The following TET3 variants were observed in gnomAD, a reference collection of about 807,000 sequenced individuals.
TET3 encodes the protein tet methylcytosine dioxygenase 3.
TET3 carries 19 observed loss-of-function variants against 141.4 expected under a neutral mutation model. That is an observed-to-expected ratio of 0.13 (90% CI 0.09 to 0.20). The LOEUF is 0.20. Ranked by LOEUF, TET3 falls within the 10% of genes least tolerant of loss-of-function variation. The probability of loss-of-function intolerance (pLI) is 1.00; values close to 1 mark genes in which losing one functional copy is unlikely to be tolerated. For synonymous variants in TET3, 1,043 were observed against 980.9 expected (o/e 1.06, Z -1.18); for missense variants, 1,874 against 2,356.9 (o/e 0.80, Z 4.24).
chr2:74,064,460 T>G (rs971491788), intron 4 of TET3, among the ~76,000 whole-genome samples: 2 of 152,192 alleles, frequency 1.3e-5, no homozygotes, highest in African/African-American at 4.8e-5. Flanking sequence ...AGTTCGGTGG[T>G]GTGATTCCCA....
the TET3 span, among the ~76,000 whole-genome samples, chr2:74,115,801 C>A: frequency 1.3e-5 from 2 of 151,884 alleles, no homozygotes; most frequent in East Asian, 3.9e-4. Context: ...ACTGCTTCAG[C>A]CCAGGAGTTC....
intron 3 of TET3, among the ~76,000 whole-genome samples, chr2:74,024,285 G>A (rs1686218521): frequency 2.0e-5 from 3 of 152,214 alleles, no homozygotes; most frequent in South Asian, 4.1e-4. Context: ...GTATGCTCAT[G>A]GTTGGAACTT....
chr2:73,986,774 C>T (rs1684048538), intron 2 of TET3, 68 bp downstream of exon 2: 15 of 1,212,190 alleles, frequency 1.2e-5, no homozygotes, highest in African/African-American at 1.6e-5. Context: ...GGGTCTTGTT[C>T]AAGCAAGGCT....
chr2:74,089,831 G>A, intron 7 of TET3, 66 bp from the exon 8 acceptor site: 2 of 1,580,592 alleles, frequency 1.3e-6, no homozygotes, highest in Non-Finnish European at 8.6e-7. Flanking sequence ...CCCCTTGAGG[G>A]AGGAGGAATA....
chr2:74,116,004 T>C, the TET3 span, among the ~76,000 whole-genome samples: 1 of 132,614 alleles, frequency 7.5e-6, no homozygotes, highest in Non-Finnish European at 1.6e-5. Flanking sequence ...GACACTGAGA[T>C]CTGGTCTCAA....
At chr2:74,135,059 G>T in the TET3 span, 1 of 228,388 alleles carries the variant, frequency 4.4e-6, no homozygotes, top group Non-Finnish European at 8.8e-6. Context: ...AGAATCAAAG[G>T]GTGGAGGATC....
intron 4 of TET3, among the ~76,000 whole-genome samples, chr2:74,072,744 C>T (rs1689281896): frequency 1.3e-5 from 2 of 152,096 alleles, no homozygotes; most frequent in African/African-American, 4.8e-5. Context: ...AAGCAATAAC[C>T]CCTCATTTCC....
rs750286271 is a variant in TET3, at chr2:74,101,491, C to T, written c.4703C>T (p.Pro1568Leu). Reference sequence around the variant, plus strand: ...ATGAAAGGAGAGGAGGGCAGGATTCCAGCCGCAGGGGCCAGCCAGCTGGAC... The same window carrying T: ...ATGAAAGGAGAGGAGGGCAGGATTCTAGCCGCAGGGGCCAGCCAGCTGGAC... ...NPMKGEEGRI[P>L]AAGASQLDRA... The change falls in exon 12 of 12, where the codon CCA (proline) becomes CTA (leucine). Residue 1568 changes from proline to leucine, a missense_variant. Physicochemically the swap from Pro to Leu is moderately conservative, Grantham distance 98 (BLOSUM62 -3). This residue lies in a region of TET3 where 602 missense variants were observed against 590.2 expected (regional missense o/e 1.02). Transcript: ENST00000409262. The surrounding 1 kb of genome is among the most constrained non-coding windows in gnomAD (Gnocchi z 8.5). The T allele has an allele frequency of 1.9e-6, 3 of 1,613,090 alleles. No homozygotes were observed. The highest frequency in any genetic ancestry group is 1.7e-5 in the Admixed American group (1 of 59,906).
chr2:74,006,962 C>G (rs1172503163), intron 3 of TET3, among the ~76,000 whole-genome samples: 3 of 152,122 alleles, frequency 2.0e-5, no homozygotes, highest in African/African-American at 7.2e-5. Flanking sequence ...GACTATTACC[C>G]CCATCTCTAT....
At position 74,047,978 on chromosome 2, in the gene TET3, C is replaced by T. The variant is rs769286569; in HGVS notation, c.2061C>T (p.Ser687=). The change falls in exon 4 of 12, where the codon AGC becomes AGT. Residue 687 remains serine, a synonymous_variant. Coordinates refer to ENST00000409262, the MANE Select transcript of TET3 (RefSeq NM_001287491.2). ...LPPTQEMRSP[S]PMTALQPGST... is the part of the protein sequence containing the mutation. ...CTACTCAGGAAATGAGGTCCCCCAG[C>T]CCCATGACAGCCTTGCAGCCAGGCT... 2.4e-5 allele frequency: 38 copies of T among 1,611,050 alleles called. No individual in the cohort carries two copies. Among genetic ancestry groups the T allele is most frequent in the Non-Finnish European group, 3.1e-5 (37 of 1,178,504 alleles).
At chr2:74,050,273 TA>T (rs1687878040) in intron 4 of TET3, among the ~76,000 whole-genome samples, 1 of 152,206 alleles carries the variant, frequency 6.6e-6, no homozygotes. Context: ...TCCTCATATG[TA>T]GAATGAAAAC....
chr2:73,993,489 G>A (rs890209655), intron 2 of TET3: 1 of 152,298 alleles, frequency 6.6e-6, no homozygotes, highest in African/African-American at 2.4e-5. Context: ...ATGACCAGAA[G>A]GGAATGGGAC....
At chr2:73,985,442 G>GCGCGCCCCCCTCCC (rs1683968078) in intron 1 of TET3, among the ~76,000 whole-genome samples, 2 of 144,458 alleles carry the variant, frequency 1.4e-5, no homozygotes, top group South Asian at 2.1e-4. Context: ...CGCGGCTCGA[G>GCGCGCCCCCCTCCC]CGCGCCCCCC....
At chr2:74,006,801 C>T (rs896113369) in intron 3 of TET3, among the ~76,000 whole-genome samples, 2 of 152,220 alleles carry the variant, frequency 1.3e-5, no homozygotes, top group Non-Finnish European at 1.5e-5. Flanking sequence ...TTTCCTCTCA[C>T]ACCCGGGCAT....
chr2:74,135,340 C>T, the TET3 span: 2 of 556,192 alleles, frequency 3.6e-6, no homozygotes, highest in Non-Finnish European at 3.1e-6. Context: ...TGTAGCAGGA[C>T]AGAACTGTCT....
intron 4 of TET3, among the ~76,000 whole-genome samples, chr2:74,059,690 G>A (rs1688399405): frequency 6.6e-6 from 1 of 152,224 alleles, no homozygotes. Context: ...GGGACTACAG[G>A]CACATGCCAC....
Position 74,102,124 on chromosome 2 carries a change from T to C in TET3, c.5336T>C (p.Val1779Ala). The part of the protein sequence containing the change: ...LAVPTDSAVT[V>A]SSYAYTKVTG... ...GTGCCCACAGACTCGGCGGTCACCGTGTCCTCCTATGCCTACACGAAGGTC... is the reference window on the plus strand; with the variant it reads ...GTGCCCACAGACTCGGCGGTCACCGCGTCCTCCTATGCCTACACGAAGGTC... The change falls in exon 12 of 12, where the codon GTG becomes GCG. Residue 1779 changes from valine to alanine, a missense_variant. By Grantham distance (64) the Val-to-Ala change is moderately conservative. Around this residue, in one of 10 missense-constraint regions of TET3, gnomAD observed 113 missense variants for 114.3 expected, o/e 0.99. Transcript: ENST00000409262. 1 of 1,486,868 alleles carries C rather than the reference T, an allele frequency of 6.7e-7. No homozygotes were observed. The highest frequency in any genetic ancestry group is 8.9e-7 in the Non-Finnish European group (1 of 1,118,876). The allele number at this position is 1,486,868 out of a possible 1,614,324, so 92.1% of individuals were successfully genotyped here.
chr2:74,107,961 T>C lies in TET3; in HGVS notation c.*5785T>C, dbSNP rs1208845940. The C allele has an allele frequency of 1.3e-5, 2 of 153,650 alleles. No individual in the cohort carries two copies. The highest frequency in any genetic ancestry group is 1.3e-4 in the Admixed American group (2 of 15,278). 9.5% of individuals were successfully genotyped at this position (153,650 alleles called of 1,614,324 possible). On this transcript the variant is annotated 3_prime_UTR_variant, in exon 12 of 12. Transcript: ENST00000409262. ...TATTTTTTCCTTCCACTTTATTGGT[T>C]TGCCTCCTGAGCTACCCCTCCTTAC...
Position 74,102,488 on chromosome 2 carries a change from CTT to C in TET3, c.*314_*315del, listed in dbSNP as rs1004204995. The C allele has an allele frequency of 1.4e-5, 3 of 216,640 alleles. No individual in the cohort carries two copies. Among genetic ancestry groups the C allele is most frequent in the African/African-American group, 6.8e-5 (3 of 43,864 alleles). 13.4% of individuals were successfully genotyped at this position (216,640 alleles called of 1,614,324 possible). Reference sequence around the variant, plus strand: ...TGGGGGGTTTTTATTTTTATTTTCTCTTTGTTTTTAAAACTCTATCCTTGTAT... The same window carrying C: ...TGGGGGGTTTTTATTTTTATTTTCTCTGTTTTTAAAACTCTATCCTTGTAT... On this transcript the variant is annotated 3_prime_UTR_variant, in exon 12 of 12. Transcript: ENST00000409262.
Sources: gnomAD v4.1 joint callset for allele counts (sites outside exome capture counted in the v4.1 genomes callset) on GRCh38, gnomAD v4.1.1 for gene constraint, gnomAD v4.1.1 regional missense constraint, Gnocchi (gnomAD v3.1) non-coding constraint, MANE v1.5 for transcripts, NCBI Gene and HGNC (gene_info 2026-07-23, HGNC 2026-07-21) for gene names.